TSNAXIP1: variants seen among roughly 807,000 people sequenced by gnomAD.
TSNAXIP1 encodes translin associated factor X interacting protein 1, also known as translin-associated factor X-interacting protein 1.
Under a neutral mutation model 84.8 loss-of-function variants are expected in TSNAXIP1, and 89 were observed. The ratio of observed to expected loss-of-function variants is 1.05; its 90% confidence interval spans 0.88 to 1.25. The LOEUF is 1.25. TSNAXIP1 is among the 50% of genes most tolerant of loss of function. TSNAXIP1 has a pLI of 0.00. For missense variants in TSNAXIP1, 874 were observed against 887.6 expected (o/e 0.98, Z 0.20); for synonymous variants, 347 against 335.2 (o/e 1.04, Z -0.39).
At chr16:67,822,070 A>G (rs2151245433) in intron 4 of TSNAXIP1, among the ~76,000 whole-genome samples, 1 of 152,012 alleles carries the variant, frequency 6.6e-6, no homozygotes, top group East Asian at 1.9e-4. Context: ...CCAGGTCAGG[A>G]GATCGAGACC....
At chr16:67,825,012 T>C (rs565360907) in intron 6 of TSNAXIP1, 125 bp from the exon 7 acceptor site, 5 of 1,359,944 alleles carry the variant, frequency 3.7e-6, no homozygotes, top group African/African-American at 1.5e-5. Flanking sequence ...ATCTCCTTCT[T>C]CTTTCACCTT....
At chr16:67,827,108 C>G (rs776199614) in intron 13 of TSNAXIP1, 36 bp downstream of exon 13, 1 of 1,609,610 alleles carries the variant, frequency 6.2e-7, no homozygotes, top group Non-Finnish European at 8.5e-7. Flanking sequence ...CAACTCCTAC[C>G]CAACTATTCC....
Position 67,825,898 on chromosome 16 carries a change from C to A in TSNAXIP1, c.985-19C>A. 6.2e-7 allele frequency: 1 copy of A among 1,614,044 alleles called. No homozygotes were observed. On this transcript the variant is annotated intron_variant, in intron 8 of 15. Transcript: ENST00000561639. ...GGGTCTCACAGGTGGGGGGCCAGGG[C>A]CAATGTCCTTGCCCACAGCTGGACA...
chr16:67,825,967 C>T lies in TSNAXIP1; in HGVS notation c.1035C>T (p.Ile345=). ...SYEEVRKEHE[I]LMQLHMSTLK... ...AGGAGGTTCGCAAGGAGCATGAGAT[C>T]CTCATGCAGCTGCACATGAGCACGC... The change falls in exon 9 of 16, where the codon ATC becomes ATT. Residue 345 remains isoleucine (I), a synonymous_variant. Coordinates refer to ENST00000561639, the MANE Select transcript of TSNAXIP1 (RefSeq NM_001288990.3). 1 of 1,614,098 alleles carries T rather than the reference C, an allele frequency of 6.2e-7. No homozygotes were observed. Among genetic ancestry groups the T allele is most frequent in the Non-Finnish European group, 8.5e-7 (1 of 1,180,020 alleles).
chr16:67,827,266 C>A lies in TSNAXIP1; in HGVS notation c.1682C>A (p.Thr561Asn), dbSNP rs1376292887. 6.2e-7 allele frequency: 1 copy of A among 1,614,202 alleles called. No homozygotes were observed. Among genetic ancestry groups the A allele is most frequent in the Non-Finnish European group, 8.5e-7 (1 of 1,180,032 alleles). Residue 561 changes from threonine to asparagine, a missense_variant, in exon 14 of 16, where the codon ACC (threonine) becomes AAC (asparagine). Physicochemically the swap from Thr to Asn is moderately conservative, Grantham distance 65 (BLOSUM62 0). Coordinates refer to ENST00000561639, the MANE Select transcript of TSNAXIP1 (RefSeq NM_001288990.3). Reference protein sequence around the residue: ...MEQFNTVLKSTFPLKTEEQIQ... With the variant: ...MEQFNTVLKSNFPLKTEEQIQ... The stretch of plus-strand genomic sequence containing the variant: ...CCCTACAGCACTGTCCTCAAGAGTA[C>A]CTTCCCTCTCAAGACAGAAGAGCAA...
At chr16:67,815,093 G>A (rs1479005559) in intron 2 of TSNAXIP1, among the ~76,000 whole-genome samples, 4 of 151,824 alleles carry the variant, frequency 2.6e-5, no homozygotes, top group African/African-American at 9.7e-5. Flanking sequence ...CGAGGCAGGC[G>A]GATCACCTGA....
Position 67,814,278 on chromosome 16 carries a change from A to G in TSNAXIP1, c.48-24A>G, listed in dbSNP as rs1232343754. The G allele has an allele frequency of 2.8e-5, 43 of 1,518,042 alleles. 1 individual carries two copies. The Middle Eastern group carries it at 1.3e-3, about 47-fold the overall frequency. The allele number at this position is 1,518,042 out of a possible 1,614,324, so 94.0% of individuals were successfully genotyped here. Reference sequence around the variant, plus strand: ...CCCACTCTGGACTCTGTCACCCACCATCAGCTTTCCCTTCTCTGTGCAGAT... The same window carrying G: ...CCCACTCTGGACTCTGTCACCCACCGTCAGCTTTCCCTTCTCTGTGCAGAT... On this transcript the variant is annotated intron_variant, in intron 1 of 15. Coordinates refer to ENST00000561639, the MANE Select transcript of TSNAXIP1 (RefSeq NM_001288990.3).
chr16:67,821,234 C>T lies in TSNAXIP1; in HGVS notation c.387+9C>T, dbSNP rs745412609. The T allele has an allele frequency of 3.5e-6, 5 of 1,441,338 alleles. No individual in the cohort carries two copies. The African/African-American group carries it at 5.7e-5, about 16-fold the overall frequency. 89.3% of individuals were successfully genotyped at this position (1,441,338 alleles called of 1,614,324 possible). ...AGGAACTAAGGCTGCAGGTCAGAGC[C>T]ACAGAAGAAACTTGGGGAGGGCGGG... On this transcript the variant is annotated intron_variant, in intron 4 of 15. Transcript: ENST00000561639.
chr16:67,808,248 C>T (rs1052266605), intron 1 of TSNAXIP1, among the ~76,000 whole-genome samples: 1 of 151,700 alleles, frequency 6.6e-6, no homozygotes, highest in African/African-American at 2.4e-5. Flanking sequence ...CTAAACTCTT[C>T]AGGGTCTGCT....
chr16:67,808,931 A>G (rs2055760250), intron 1 of TSNAXIP1, among the ~76,000 whole-genome samples: 2 of 151,630 alleles, frequency 1.3e-5, no homozygotes, highest in South Asian at 4.2e-4. Context: ...TCATGCCTGT[A>G]ATCCCAATAC....
chr16:67,826,052 C>T lies in TSNAXIP1; in HGVS notation c.1120C>T (p.Arg374Trp), dbSNP rs61999337. 1,366 of 1,613,676 alleles carry T rather than the reference C, an allele frequency of 8.5e-4. 6 individuals are homozygous for T. Among genetic ancestry groups the T allele is most frequent in the Middle Eastern group, 2.6e-3 (16 of 6,062 alleles). ...GGAGATCCAGCGCACTTCCACGCCG[C>T]GGCCTGACTGGACCAAGTGCAAAGG... ...LQEIQRTSTP[R>W]PDWTKCKDVV... Residue 374 changes from arginine to tryptophan, a missense_variant, in exon 9 of 16, where the codon CGG becomes TGG. Physicochemically the swap from Arg to Trp is moderately radical, Grantham distance 101 (BLOSUM62 -3). Coordinates refer to ENST00000561639, the MANE Select transcript of TSNAXIP1 (RefSeq NM_001288990.3).
chr16:67,825,811 A>C lies in TSNAXIP1; in HGVS notation c.959A>C (p.Lys320Thr), dbSNP rs2057394230. The C allele has an allele frequency of 6.2e-7, 1 of 1,614,070 alleles. No individual in the cohort carries two copies. The highest frequency in any genetic ancestry group is 8.5e-7 in the Non-Finnish European group (1 of 1,180,038). ...AGGAGGGACTTTGAAATGCAGGAGAAGACCAACAAGGATCTTCAGGAGCAG... is the reference window on the plus strand; with the variant it reads ...AGGAGGGACTTTGAAATGCAGGAGACGACCAACAAGGATCTTCAGGAGCAG... ...VPRRDFEMQE[K>T]TNKDLQEQLD... Residue 320 changes from lysine (K) to threonine (T), a missense_variant, in exon 8 of 16, where the codon AAG becomes ACG. By Grantham distance (78) the Lys-to-Thr change is moderately conservative. Transcript: ENST00000561639.
In TSNAXIP1 at chr16:67,827,033, ACAGT is replaced by A; in HGVS notation, c.1629_1632del (p.Ser543ArgfsTer6). On this transcript the variant is annotated frameshift_variant, in exon 13 of 16. Coordinates refer to ENST00000561639, the MANE Select transcript of TSNAXIP1 (RefSeq NM_001288990.3). LOFTEE classifies it high-confidence loss of function. ...CTGCTGAAGGAGATGACAAATGCTG[ACAGT>A]CAGAACGAGGGGCTACTAACCATGG... The A allele has an allele frequency of 6.2e-7, 1 of 1,614,188 alleles. No individual in the cohort carries two copies. The highest frequency in any genetic ancestry group is 8.5e-7 in the Non-Finnish European group (1 of 1,180,030).
chr16:67,826,928 G>C, intron 12 of TSNAXIP1, 35 bp from the exon 13 acceptor site: 1 of 1,613,350 alleles, frequency 6.2e-7, no homozygotes. Flanking sequence ...ACCACTCCCA[G>C]GAACAGCAGG....
intron 1 of TSNAXIP1, among the ~76,000 whole-genome samples, chr16:67,811,322 C>A (rs2056058177): frequency 1.3e-5 from 2 of 152,058 alleles, no homozygotes; most frequent in Non-Finnish European, 1.5e-5. Flanking sequence ...ACCTACTGAA[C>A]TTTTCCATTC....
Position 67,819,409 on chromosome 16 carries a change from A to G in TSNAXIP1, c.148-1430A>G, listed in dbSNP as rs555979147. 7.0e-4 allele frequency among the ~76,000 whole-genome samples: 106 copies of G among 150,798 alleles called. 1 individual carries two copies. The South Asian group carries it at 0.013, about 19-fold the overall frequency. On this transcript the variant is annotated intron_variant, in intron 2 of 15. Coordinates refer to ENST00000561639, the MANE Select transcript of TSNAXIP1 (RefSeq NM_001288990.3). Reference sequence around the variant, plus strand: ...CAGGCGTGTGCCACCATGCCCGGCTAATTTTTGTATTTTTAGTAGAGATGG... The same window carrying G: ...CAGGCGTGTGCCACCATGCCCGGCTGATTTTTGTATTTTTAGTAGAGATGG...
At position 67,828,031 on chromosome 16, in the gene TSNAXIP1, C is replaced by T. The variant is rs779890727; in HGVS notation, c.*38C>T. ...AGCCTGCGTACTCCAGTCCTGCTAA[C>T]CCCTAGCTTTTAATATAAAAGTGTT... On this transcript the variant is annotated 3_prime_UTR_variant, in exon 16 of 16. Coordinates refer to ENST00000561639, the MANE Select transcript of TSNAXIP1 (RefSeq NM_001288990.3). 6.2e-7 allele frequency: 1 copy of T among 1,602,360 alleles called. No individual in the cohort carries two copies. The highest frequency in any genetic ancestry group is 8.5e-7 in the Non-Finnish European group (1 of 1,174,286).
Position 67,807,054 on chromosome 16 carries a change from G to T in TSNAXIP1, c.-96G>T, listed in dbSNP as rs555403160. ...GCATCCCTGACTCCGCCCCCGCCGC[G>T]GGGGGGCCTCTGGGGCCTGGTCGCC... On this transcript the variant is annotated 5_prime_UTR_variant, in exon 1 of 16. Coordinates refer to ENST00000561639, the MANE Select transcript of TSNAXIP1 (RefSeq NM_001288990.3). 16 of 1,480,634 alleles carry T rather than the reference G, an allele frequency of 1.1e-5. No individual in the cohort carries two copies. The African/African-American group carries it at 1.6e-4, about 15-fold the overall frequency. 91.7% of individuals were successfully genotyped at this position (1,480,634 alleles called of 1,614,324 possible).
intron 1 of TSNAXIP1, among the ~76,000 whole-genome samples, chr16:67,810,887 G>A (rs867155365): frequency 6.6e-6 from 1 of 151,262 alleles, no homozygotes; most frequent in Admixed American, 6.6e-5. Context: ...CTATAGGCGC[G>A]TGCCACCACA....
Sources: gnomAD v4.1 joint callset for allele counts (sites outside exome capture counted in the v4.1 genomes callset) on GRCh38, gnomAD v4.1.1 for gene constraint, MANE v1.5 for transcripts, NCBI Gene and HGNC (gene_info 2026-07-23, HGNC 2026-07-21) for gene names.